The following NAALADL2 variants were observed in gnomAD, a reference collection of about 807,000 sequenced individuals.
NAALADL2 encodes inactive N-acetylated-alpha-linked acidic dipeptidase-like protein 2.
A neutral mutation model predicts 87.2 loss-of-function variants in NAALADL2; 76 were observed. The ratio of observed to expected loss-of-function variants is 0.87; its 90% CI spans 0.72 to 1.05. The LOEUF is 1.05. Ranked by LOEUF, NAALADL2 falls within the 50% of genes least tolerant of loss-of-function variation. The pLI is 0.00. For missense variants in NAALADL2, 1,089 were observed against 945.8 expected, an observed-to-expected ratio of 1.15 and a Z score of -1.99; for synonymous variants, 354 against 331.0, an observed-to-expected ratio of 1.07 and a Z score of -0.75.
intron 13 of NAALADL2, among the ~76,000 whole-genome samples, chr3:175,777,707 G>C (rs560118254): frequency 3.9e-5 from 6 of 152,116 alleles, no homozygotes; most frequent in Non-Finnish European, 8.8e-5. Flanking sequence ...GCCTAGGGTT[G>C]TTGGCAAAAC....
chr3:175,321,160 T>C (rs1759806122), intron 4 of NAALADL2, among the ~76,000 whole-genome samples: 2 of 147,738 alleles, frequency 1.4e-5, no homozygotes, highest in South Asian at 4.5e-4. Context: ...GCTTCATCCC[T>C]GGGATGCAAG....
chr3:175,320,571 G>A (rs1759726654), intron 4 of NAALADL2, among the ~76,000 whole-genome samples: 1 of 152,098 alleles, frequency 6.6e-6, no homozygotes, highest in Non-Finnish European at 1.5e-5. Context: ...TAAACAGTGT[G>A]ACAGTATTTC....
At chr3:175,732,764 G>C (rs1450909091) in intron 11 of NAALADL2, among the ~76,000 whole-genome samples, 2 of 152,212 alleles carry the variant, frequency 1.3e-5, no homozygotes, top group Middle Eastern at 6.8e-3. Context: ...TTGGGGATAA[G>C]ACTCTGCAAA....
intron 9 of NAALADL2, among the ~76,000 whole-genome samples, chr3:175,547,996 T>C (rs991496365): frequency 6.6e-6 from 1 of 152,114 alleles, no homozygotes; most frequent in African/African-American, 2.4e-5. Flanking sequence ...AGTGTGGTGA[T>C]TCCTCAAAGA....
At chr3:174,966,819 C>A (rs912043293) in intron 1 of NAALADL2, among the ~76,000 whole-genome samples, 1 of 152,018 alleles carries the variant, frequency 6.6e-6, no homozygotes, top group Admixed American at 6.6e-5. Flanking sequence ...GGTTTGTTAT[C>A]AAGTATTGAT....
chr3:174,819,239 A>G (rs1721156269), intron 3 of NAALADL2, among the ~76,000 whole-genome samples: 1 of 151,148 alleles, frequency 6.6e-6, no homozygotes, highest in Non-Finnish European at 1.5e-5. Flanking sequence ...TAAATTTTGT[A>G]TGTTTTGTAG....
chr3:175,622,785 A>G (rs1726410396), intron 10 of NAALADL2, among the ~76,000 whole-genome samples: 1 of 152,112 alleles, frequency 6.6e-6, no homozygotes, highest in Non-Finnish European at 1.5e-5. Flanking sequence ...AACTTAAACC[A>G]CAATGTGTAT....
At chr3:174,986,815 G>A (rs563893871) in intron 1 of NAALADL2, among the ~76,000 whole-genome samples, 8 of 152,146 alleles carry the variant, frequency 5.3e-5, no homozygotes, top group Non-Finnish European at 1.0e-4. Flanking sequence ...GTAGACAAGG[G>A]TTAGTAGGAG....
intron 1 of NAALADL2, among the ~76,000 whole-genome samples, chr3:174,867,913 A>T (rs1455981578): frequency 6.6e-6 from 1 of 152,030 alleles, no homozygotes; most frequent in Non-Finnish European, 1.5e-5. Flanking sequence ...TGTTACAGTG[A>T]CTCTCGTTGG....
chr3:175,127,849 T>A (rs1264770267), intron 2 of NAALADL2, among the ~76,000 whole-genome samples: 1 of 152,054 alleles, frequency 6.6e-6, no homozygotes, highest in Non-Finnish European at 1.5e-5. Flanking sequence ...CAAGACCCTG[T>A]CTCTACATAA....
rs537689731 is a variant in NAALADL2, at chr3:175,804,202, A to G, written c.*999A>G. The G allele has an allele frequency of 5.4e-4, 82 of 151,744 alleles. No homozygotes were observed. The highest frequency in any genetic ancestry group is 1.0e-3 in the Non-Finnish European group (68 of 67,658). 9.4% of individuals were successfully genotyped at this position (151,744 alleles called of 1,614,324 possible). A position where few individuals can be genotyped will look rare whatever the true frequency, so the allele number is the denominator to read the frequency against. On this transcript the variant is annotated 3_prime_UTR_variant, in exon 14 of 14. Transcript: ENST00000454872. ...ATTTCTATTTCTGCCTCTGACAAAA[A>G]GAACTTACTATGAAAGAAATAGTTG...
chr3:175,091,214 T>A (rs1310217955), intron 1 of NAALADL2, among the ~76,000 whole-genome samples: 3 of 152,102 alleles, frequency 2.0e-5, no homozygotes, highest in Admixed American at 2.0e-4. Flanking sequence ...AAAATTCCTA[T>A]GGGTACTATG....
chr3:175,031,472 G>C (rs1752793103), intron 1 of NAALADL2, among the ~76,000 whole-genome samples: 1 of 152,074 alleles, frequency 6.6e-6, no homozygotes, highest in African/African-American at 2.4e-5. Flanking sequence ...TTGCTGCGTA[G>C]TATTCCATGG....
chr3:175,805,815 G>A lies in NAALADL2; in HGVS notation c.*2612G>A, dbSNP rs1256767362. Reference sequence around the variant, plus strand: ...AACGGTGAAATTTATGTTCAGGCAGGGTACACATGAGATACTGCCCTTTAT... The same window carrying A: ...AACGGTGAAATTTATGTTCAGGCAGAGTACACATGAGATACTGCCCTTTAT... On this transcript the variant is annotated 3_prime_UTR_variant, in exon 14 of 14. Transcript: ENST00000454872. The A allele has an allele frequency of 6.6e-6, 1 of 151,698 alleles. No homozygotes were observed. The highest frequency in any genetic ancestry group is 1.5e-5 in the Non-Finnish European group (1 of 67,838). The allele number at this position is 151,698 out of a possible 1,614,324, so 9.4% of individuals were successfully genotyped here. A position where few individuals can be genotyped will look rare whatever the true frequency, so the allele number is the denominator to read the frequency against.
intron 2 of NAALADL2, among the ~76,000 whole-genome samples, chr3:175,196,482 G>C (rs1453548199): frequency 6.6e-6 from 1 of 151,856 alleles, no homozygotes; most frequent in Non-Finnish European, 1.5e-5. Context: ...TTCTCCTGTT[G>C]TGTTGGTATT....
At chr3:174,878,425 T>G (rs529801287) in intron 1 of NAALADL2, among the ~76,000 whole-genome samples, 1 of 152,094 alleles carries the variant, frequency 6.6e-6, no homozygotes, top group Non-Finnish European at 1.5e-5. Flanking sequence ...TAGAACTACT[T>G]AAAACTGCGT....
chr3:174,612,155 C>A (rs1383538852), intron 2 of NAALADL2, among the ~76,000 whole-genome samples: 1 of 152,150 alleles, frequency 6.6e-6, no homozygotes, highest in Non-Finnish European at 1.5e-5. Context: ...GGAAAGTCTG[C>A]TGCCAGGTGT....
chr3:175,702,187 T>TCAA (rs1161840220), intron 11 of NAALADL2, among the ~76,000 whole-genome samples: 1 of 152,162 alleles, frequency 6.6e-6, no homozygotes, highest in Non-Finnish European at 1.5e-5. Context: ...GTAATTCTGT[T>TCAA]CTAGTAGTTT....
chr3:175,439,925 A>C (rs1336791842), intron 5 of NAALADL2, among the ~76,000 whole-genome samples: 1 of 151,818 alleles, frequency 6.6e-6, no homozygotes, highest in East Asian at 1.9e-4. Flanking sequence ...TTTTTGTTAC[A>C]TTTGCTTTTG....
Sources: allele counts gnomAD v4.1 joint callset (sites outside exome capture counted in the v4.1 genomes callset), GRCh38; gene constraint gnomAD v4.1.1; transcripts MANE v1.5; gene names NCBI Gene and HGNC (gene_info 2026-07-23, HGNC 2026-07-21).